EPB41L4A: variants seen among roughly 807,000 people sequenced by gnomAD.
The protein encoded by EPB41L4A is erythrocyte membrane protein band 4.1 like 4A.
In EPB41L4A, 100 loss-of-function variants were observed where a neutral mutation model predicts 108.6. The ratio of observed to expected loss-of-function variants is 0.92; its 90% CI spans 0.78 to 1.09. EPB41L4A has a LOEUF of 1.09. EPB41L4A is among the 50% of genes least tolerant of loss of function. EPB41L4A has a pLI of 0.00. For missense variants in EPB41L4A, 1,030 were observed against 842.7 expected, an observed-to-expected ratio of 1.22 and a Z score of -2.75; for synonymous variants, 319 against 289.0, an observed-to-expected ratio of 1.10 and a Z score of -1.05.
intron 7 of EPB41L4A, among the ~76,000 whole-genome samples, chr5:112,262,253 A>C (rs1400690192): frequency 6.6e-6 from 1 of 152,108 alleles, no homozygotes; most frequent in African/African-American, 2.4e-5. Context: ...TCTGTTATCC[A>C]GATTGTGTTT....
At chr5:112,142,060 C>T (rs1580310044), downstream of EPB41L4A, among the ~76,000 whole-genome samples, 4 of 152,132 alleles carry the variant, frequency 2.6e-5, no homozygotes, top group Admixed American at 2.6e-4. Flanking sequence ...AGGAGCAATA[C>T]CAGACTCTCT....
intron 9 of EPB41L4A, among the ~76,000 whole-genome samples, chr5:112,256,062 G>T (rs1380603063): frequency 6.6e-6 from 1 of 152,116 alleles, no homozygotes; most frequent in Non-Finnish European, 1.5e-5. Flanking sequence ...TCCGCACTTT[G>T]TTGTCACCCT....
downstream of EPB41L4A, chr5:112,161,170 A>G (rs1759875030): frequency 1.0e-5 from 2 of 200,572 alleles, no homozygotes; most frequent in Non-Finnish European, 2.1e-5. Context: ...CGTCAGTGAA[A>G]AGGCCTTACC....
At chr5:112,258,425 C>T in intron 9 of EPB41L4A, among the ~76,000 whole-genome samples, 2 of 152,304 alleles carry the variant, frequency 1.3e-5, no homozygotes, top group South Asian at 4.1e-4. Context: ...TTGTTCTGCA[C>T]AAAGTTAGTA....
chr5:112,175,798 G>GTGGAA (rs551163943), intron 18 of EPB41L4A, among the ~76,000 whole-genome samples: 2 of 152,094 alleles, frequency 1.3e-5, no homozygotes, highest in South Asian at 4.1e-4. Flanking sequence ...CCCTAGCCAT[G>GTGGAA]TTTCCACTTT....
rs56877234 is a variant in EPB41L4A, at chr5:112,145,846, T to C, written n.1112+35A>G. On this transcript the variant is annotated intron_variant and non_coding_transcript_variant, in intron 13 of 13. Coordinates refer to the EPB41L4A transcript ENST00000507810. ...TTGATATCAATCTATTAAATAGCTA[T>C]TGAGACAATTATCAATATACATAAT... The C allele has an allele frequency of 7.2e-3, 3,246 of 450,324 alleles. 91 individuals are homozygous for C. The highest frequency in any genetic ancestry group is 0.059 in the African/African-American group (2,939 of 49,844). The allele number at this position is 450,324 out of a possible 1,614,324, so 27.9% of individuals were successfully genotyped here. A position where few individuals can be genotyped will look rare whatever the true frequency, so the allele number is the denominator to read the frequency against.
chr5:112,299,693 T>C (rs1021695261), intron 2 of EPB41L4A, among the ~76,000 whole-genome samples: 3 of 152,206 alleles, frequency 2.0e-5, no homozygotes, highest in Non-Finnish European at 4.4e-5. Flanking sequence ...GGAGTATAGC[T>C]TAAATCCATT....
intron 1 of EPB41L4A, among the ~76,000 whole-genome samples, chr5:112,399,627 A>G (rs530896984): frequency 3.7e-4 from 56 of 152,266 alleles, no homozygotes; most frequent in African/African-American, 1.3e-3. Context: ...TTCCCTCCCT[A>G]AAGCTCTAAT....
chr5:112,283,137 G>C (rs1180292919), intron 2 of EPB41L4A, among the ~76,000 whole-genome samples: 2 of 152,146 alleles, frequency 1.3e-5, no homozygotes, highest in Non-Finnish European at 2.9e-5. Context: ...TTCAAGAAAA[G>C]TTAGAAATTA....
chr5:112,356,406 T>TG (rs1457545508), intron 1 of EPB41L4A, among the ~76,000 whole-genome samples: 3 of 152,202 alleles, frequency 2.0e-5, no homozygotes, highest in Admixed American at 2.0e-4. Context: ...GATTGGAAAG[T>TG]GACTGGATTA....
intron 1 of EPB41L4A, among the ~76,000 whole-genome samples, chr5:112,313,983 C>G (rs1755235719): frequency 6.6e-6 from 1 of 151,164 alleles, no homozygotes; most frequent in East Asian, 2.0e-4. Context: ...CCTGCCTCAG[C>G]CTCCGAAGTA....
chr5:112,148,107 T>C (rs1759331306), intron 12 of EPB41L4A, among the ~76,000 whole-genome samples: 1 of 147,806 alleles, frequency 6.8e-6, no homozygotes. Context: ...TATAATAGTA[T>C]TACTATATAA....
chr5:112,362,753 TG>T (rs1758852832), intron 1 of EPB41L4A, among the ~76,000 whole-genome samples: 2 of 152,212 alleles, frequency 1.3e-5, no homozygotes. Context: ...AATACTTTAC[TG>T]TTCTCTTAAA....
At chr5:112,165,146 G>A (rs757818794) in intron 22 of EPB41L4A, 28 bp from the exon 23 acceptor site, 3 of 1,521,674 alleles carry the variant, frequency 2.0e-6, no homozygotes, top group Middle Eastern at 1.8e-4. Context: ...AATGTAGAAA[G>A]ATTCAGAAGA....
chr5:112,335,835 T>C (rs1756881870), intron 1 of EPB41L4A, among the ~76,000 whole-genome samples: 1 of 152,204 alleles, frequency 6.6e-6, no homozygotes, highest in Non-Finnish European at 1.5e-5. Flanking sequence ...AAGCCCTCTC[T>C]CCATGATCTA....
At chr5:112,381,443 A>G (rs894642081) in intron 1 of EPB41L4A, among the ~76,000 whole-genome samples, 12 of 152,244 alleles carry the variant, frequency 7.9e-5, no homozygotes, top group South Asian at 4.1e-4. Flanking sequence ...AAGGCCAGTT[A>G]CTGAAAGCAG....
chr5:112,166,453 A>G (rs1760254107), intron 22 of EPB41L4A, among the ~76,000 whole-genome samples: 1 of 151,930 alleles, frequency 6.6e-6, no homozygotes, highest in Non-Finnish European at 1.5e-5. Flanking sequence ...CTCCTCAAAT[A>G]CCCAGGCCCT....
intron 1 of EPB41L4A, among the ~76,000 whole-genome samples, chr5:112,413,647 C>A (rs532282758): frequency 1.3e-5 from 2 of 152,192 alleles, no homozygotes; most frequent in South Asian, 4.1e-4. Context: ...GCACCTACCT[C>A]CGCTTGGTCA....
At chr5:112,418,050 G>A (rs896207718) in intron 1 of EPB41L4A, among the ~76,000 whole-genome samples, 1 of 149,672 alleles carries the variant, frequency 6.7e-6, no homozygotes, top group Non-Finnish European at 1.5e-5. Context: ...GAGCGGGGGC[G>A]GGGGGGCGGT....
Sources: gnomAD v4.1 joint callset for allele counts (sites outside exome capture counted in the v4.1 genomes callset) on GRCh38, gnomAD v4.1.1 for gene constraint, MANE v1.5 for transcripts, NCBI Gene and HGNC (gene_info 2026-07-23, HGNC 2026-07-21) for gene names.